PTPRK: variants seen among roughly 807,000 people sequenced by gnomAD.
The protein encoded by PTPRK is receptor-type tyrosine-protein phosphatase kappa.
In PTPRK, 75 loss-of-function variants were observed where a neutral mutation model predicts 178.0. That is an observed-to-expected ratio of 0.42 (90% CI 0.35 to 0.51). PTPRK has a LOEUF of 0.51. Ranked by LOEUF, PTPRK falls within the 20% of genes least tolerant of loss-of-function variation. The pLI is 0.02. For synonymous variants in PTPRK, 637 were observed against 620.6 expected (o/e 1.03, Z -0.39); for missense variants, 1,441 against 1,797.8 (o/e 0.80, Z 3.59).
chr6:128,253,440 A>G (rs1816802084), intron 3 of PTPRK, among the ~76,000 whole-genome samples: 1 of 152,210 alleles, frequency 6.6e-6, no homozygotes, highest in Non-Finnish European at 1.5e-5. Context: ...TATCTTTACT[A>G]TCATAGCTCC....
At chr6:127,985,293 C>A (rs146128449) in intron 22 of PTPRK, among the ~76,000 whole-genome samples, 2 of 152,118 alleles carry the variant, frequency 1.3e-5, no homozygotes, top group Non-Finnish European at 2.9e-5. Flanking sequence ...TTTTGCAGCA[C>A]AAATCCTTGC....
chr6:127,976,968 A>G lies in PTPRK; in HGVS notation c.3798T>C (p.Tyr1266=). The G allele has an allele frequency of 6.2e-7, 1 of 1,614,176 alleles. No individual in the cohort carries two copies. The highest frequency in any genetic ancestry group is 1.3e-5 in the African/African-American group (1 of 75,064). ...VKDFWRLVYD[Y]GCTSIVMLNE... ...TTAACATCACAATGGAGGTACAGCC[A>G]TAATCATACACTAATCTCCAGAAGT... Residue 1266 remains tyrosine (Y), a synonymous_variant, in exon 26 of 30, where the codon TAT becomes TAC. Transcript: ENST00000368226.
intron 7 of PTPRK, among the ~76,000 whole-genome samples, chr6:128,105,585 A>G (rs528410056): frequency 6.6e-6 from 1 of 152,322 alleles, no homozygotes; most frequent in African/African-American, 2.4e-5. Context: ...ACAGAAAGAA[A>G]ATTACTGAAA....
chr6:128,504,276 C>A lies in PTPRK; in HGVS notation c.100+15983G>T, dbSNP rs536414281. On this transcript the variant is annotated intron_variant, in intron 1 of 29. Coordinates refer to ENST00000368226, the MANE Select transcript of PTPRK (RefSeq NM_002844.4). ...CTGTCCCCTGCCCTTTACTTGACTACATGTGAAAGCAACAGGAAAAACTCT... is the reference window on the plus strand; with the variant it reads ...CTGTCCCCTGCCCTTTACTTGACTAAATGTGAAAGCAACAGGAAAAACTCT... Among the ~76,000 whole-genome samples the A allele has an allele frequency of 2.3e-4, 35 of 152,260 alleles. No individual in the cohort carries two copies. The South Asian group carries it at 7.1e-3, about 31-fold the overall frequency.
intron 7 of PTPRK, among the ~76,000 whole-genome samples, chr6:128,101,823 T>C (rs757785444): frequency 6.6e-6 from 1 of 152,194 alleles, no homozygotes; most frequent in African/African-American, 2.4e-5. Flanking sequence ...TGTACCATTA[T>C]CTATTTCATT....
At chr6:128,108,189 G>T (rs11968282) in intron 7 of PTPRK, among the ~76,000 whole-genome samples, 84 of 150,980 alleles carry the variant, frequency 5.6e-4, no homozygotes, top group African/African-American at 1.9e-3. Context: ...TGTTTGTATT[G>T]ACTTTTTAAA....
chr6:128,307,388 G>A (rs1826567317), intron 3 of PTPRK, among the ~76,000 whole-genome samples: 2 of 147,400 alleles, frequency 1.4e-5, no homozygotes, highest in South Asian at 2.1e-4. Flanking sequence ...ATTTTTAGAA[G>A]AAATATAGAA....
intron 2 of PTPRK, among the ~76,000 whole-genome samples, chr6:128,373,207 G>T (rs528905651): frequency 1.3e-5 from 2 of 152,240 alleles, no homozygotes; most frequent in Admixed American, 1.3e-4. Flanking sequence ...AAGTTGCAAG[G>T]CTTAGTCCTT....
intron 7 of PTPRK, among the ~76,000 whole-genome samples, chr6:128,114,796 G>A (rs1365471471): frequency 6.6e-6 from 1 of 151,560 alleles, no homozygotes; most frequent in East Asian, 1.9e-4. Context: ...CAGGTATACA[G>A]CTCAGAGTAA....
intron 7 of PTPRK, among the ~76,000 whole-genome samples, chr6:128,167,128 T>C (rs1340608430): frequency 1.3e-5 from 2 of 151,422 alleles, no homozygotes; most frequent in Admixed American, 6.6e-5. Flanking sequence ...TATACATAAA[T>C]ATAAATGAAA....
At chr6:127,979,819 C>T (rs185675066) in intron 25 of PTPRK, among the ~76,000 whole-genome samples, 4 of 152,286 alleles carry the variant, frequency 2.6e-5, no homozygotes, top group African/African-American at 9.6e-5. Flanking sequence ...AGGGCAAAAG[C>T]TAGAAATGAA....
chr6:128,510,600 T>C (rs1857028616), intron 1 of PTPRK, among the ~76,000 whole-genome samples: 1 of 151,918 alleles, frequency 6.6e-6, no homozygotes, highest in African/African-American at 2.4e-5. Context: ...CTATTAAAAA[T>C]AAATAAATGC....
At chr6:128,506,584 C>A (rs1562661141) in intron 1 of PTPRK, among the ~76,000 whole-genome samples, 1 of 145,808 alleles carries the variant, frequency 6.9e-6, no homozygotes, top group African/African-American at 2.6e-5. Context: ...TGCTTGAGCC[C>A]AGGAGGTTGA....
intron 11 of PTPRK, among the ~76,000 whole-genome samples, chr6:128,073,648 G>T (rs1783240327): frequency 1.3e-5 from 2 of 151,932 alleles, no homozygotes; most frequent in Admixed American, 6.6e-5. Context: ...TTCTCACAAG[G>T]TCATAAGCAA....
At chr6:128,515,777 C>T (rs924639791) in intron 1 of PTPRK, among the ~76,000 whole-genome samples, 3 of 152,154 alleles carry the variant, frequency 2.0e-5, no homozygotes, top group African/African-American at 7.2e-5. Context: ...ATGCTTCCTG[C>T]TCTCAATCTT....
chr6:128,401,831 G>C (rs1167517600), intron 1 of PTPRK, among the ~76,000 whole-genome samples: 1 of 152,100 alleles, frequency 6.6e-6, no homozygotes, highest in African/African-American at 2.4e-5. Flanking sequence ...AAATAAGTTG[G>C]AAAATACAAT....
rs149088868 is a variant in PTPRK, at chr6:128,329,382, AAC to A, written c.224-7074_224-7073del. ...TCCAGAGAAAAGGAATATATAGATA[AAC>A]ACACACACACACACACACACACACA... On this transcript the variant is annotated intron_variant, in intron 2 of 29. Transcript: ENST00000368226. Among the ~76,000 whole-genome samples the A allele has an allele frequency of 4.8e-3, 702 of 145,696 alleles. 6 individuals carry two copies. The highest frequency in any genetic ancestry group is 0.015 in the African/African-American group (599 of 40,110).
intron 1 of PTPRK, among the ~76,000 whole-genome samples, chr6:128,416,647 T>TAAAA (rs762520693): frequency 8.2e-6 from 1 of 121,518 alleles, no homozygotes. Context: ...GACTCCATCT[T>TAAAA]AAAAAAAAAA....
At chr6:128,488,640 T>A (rs1354399811) in intron 1 of PTPRK, among the ~76,000 whole-genome samples, 1 of 152,206 alleles carries the variant, frequency 6.6e-6, no homozygotes, top group Non-Finnish European at 1.5e-5. Context: ...TGCTGGATAA[T>A]TACATTCCAA....
Sources: allele counts gnomAD v4.1 joint callset (sites outside exome capture counted in the v4.1 genomes callset), GRCh38; gene constraint gnomAD v4.1.1; transcripts MANE v1.5; gene names NCBI Gene and HGNC (gene_info 2026-07-23, HGNC 2026-07-21).